Variants in CABLES1 observed in about 807,000 individuals in gnomAD.
CABLES1 encodes CDK5 and ABL1 enzyme substrate 1.
In CABLES1, 36 loss-of-function variants were observed where a neutral mutation model predicts 57.8. That is an observed-to-expected ratio of 0.62 (90% CI 0.48 to 0.82). CABLES1 has a LOEUF of 0.82. CABLES1 is among the 40% of genes least tolerant of loss of function. CABLES1 has a pLI of 0.00. For missense variants in CABLES1, 767 were observed against 836.6 expected (o/e 0.92, Z 1.03); for synonymous variants, 374 against 363.0 (o/e 1.03, Z -0.35).
At chr18:23,241,661 T>C (rs2047739502) in intron 7 of CABLES1, among the ~76,000 whole-genome samples, 1 of 152,244 alleles carries the variant, frequency 6.6e-6, no homozygotes, top group African/African-American at 2.4e-5. Flanking sequence ...GGAAATACTT[T>C]TTAATTTCTC....
chr18:23,166,284 C>T (rs907510309), intron 1 of CABLES1, among the ~76,000 whole-genome samples: 1 of 151,970 alleles, frequency 6.6e-6, no homozygotes, highest in African/African-American at 2.4e-5. Context: ...TTACTGCAAC[C>T]TCCGCCTCTT....
chr18:23,218,660 G>GCTCCCGCATCCTCACTTGCCCTGC (rs1568072694), intron 4 of CABLES1, among the ~76,000 whole-genome samples: 1 of 59,808 alleles, frequency 1.7e-5, no homozygotes, highest in African/African-American at 6.4e-5. Flanking sequence ...ACTTGCCCTG[G>GCTCCCGCATCCTCACTTGCCCTGC]CTCCCGCATC....
chr18:23,208,100 A>C (rs1409651890), intron 3 of CABLES1, among the ~76,000 whole-genome samples: 1 of 152,142 alleles, frequency 6.6e-6, no homozygotes, highest in Non-Finnish European at 1.5e-5. Flanking sequence ...GGCCAGCCCC[A>C]GCACTTTCAG....
Position 23,163,725 on chromosome 18 carries a change from A to G in CABLES1, c.846-25113A>G, listed in dbSNP as rs139716313. On this transcript the variant is annotated intron_variant, in intron 1 of 9. Transcript: ENST00000256925. ...CATGGATTTATAGTGACATGAAACT[A>G]CTTGACTCTGTGGTCATTTAACACC... 7.9e-4 allele frequency among the ~76,000 whole-genome samples: 121 copies of G among 152,274 alleles called. 1 individual carries two copies. In the East Asian group the frequency reaches 0.019, roughly 24 times the overall value.
At chr18:23,194,720 A>G (rs1467146053) in intron 3 of CABLES1, among the ~76,000 whole-genome samples, 180 bp downstream of exon 3, 5 of 152,228 alleles carry the variant, frequency 3.3e-5, no homozygotes, top group Non-Finnish European at 7.3e-5. Flanking sequence ...CACCAAAAGC[A>G]ATCTGTAGAG....
chr18:23,148,139 G>A (rs1050283975), intron 1 of CABLES1, among the ~76,000 whole-genome samples: 1 of 151,924 alleles, frequency 6.6e-6, no homozygotes, highest in African/African-American at 2.4e-5. Flanking sequence ...ACAGGCGCCC[G>A]CCACCATGCC....
intron 7 of CABLES1, among the ~76,000 whole-genome samples, chr18:23,249,792 C>T (rs1042439228): frequency 6.6e-6 from 1 of 152,090 alleles, no homozygotes; most frequent in African/African-American, 2.4e-5. Context: ...GCGATCTTCT[C>T]GGACATCCTG....
chr18:23,178,068 T>C (rs770886814), intron 1 of CABLES1, among the ~76,000 whole-genome samples: 2 of 152,184 alleles, frequency 1.3e-5, no homozygotes, highest in Non-Finnish European at 2.9e-5. Flanking sequence ...TGGTTTTCCC[T>C]TTCCAATATT....
At chr18:23,229,841 T>C (rs1568077475) in intron 4 of CABLES1, among the ~76,000 whole-genome samples, 1 of 152,010 alleles carries the variant, frequency 6.6e-6, no homozygotes, top group Non-Finnish European at 1.5e-5. Context: ...CACTCACACA[T>C]AAAGACTGAG....
chr18:23,246,279 A>G (rs2047878535), intron 7 of CABLES1, among the ~76,000 whole-genome samples: 1 of 151,880 alleles, frequency 6.6e-6, no homozygotes, highest in Non-Finnish European at 1.5e-5. Context: ...AAAAAAAAAG[A>G]AAACAGTGGT....
At chr18:23,182,735 C>T (rs573628575) in intron 1 of CABLES1, among the ~76,000 whole-genome samples, 1 of 152,368 alleles carries the variant, frequency 6.6e-6, no homozygotes, top group East Asian at 1.9e-4. Context: ...GAGCTTTCCC[C>T]TGGGTGCCCA....
intron 3 of CABLES1, among the ~76,000 whole-genome samples, chr18:23,206,955 C>T (rs2047368319): frequency 6.6e-6 from 1 of 151,876 alleles, no homozygotes; most frequent in South Asian, 2.1e-4. Context: ...GGACTACAGG[C>T]GTGTGCTACC....
At chr18:23,181,496 CAAAAAAA>C (rs59742943) in intron 1 of CABLES1, among the ~76,000 whole-genome samples, 743 of 35,372 alleles carry the variant, frequency 0.021, 8 homozygotes, top group African/African-American at 0.069. Flanking sequence ...AGCTTCGTCT[CAAAAAAA>C]AAAAAAAAAA....
chr18:23,227,889 C>A (rs1027761858), intron 4 of CABLES1, among the ~76,000 whole-genome samples: 1 of 152,218 alleles, frequency 6.6e-6, no homozygotes, highest in Non-Finnish European at 1.5e-5. Context: ...ATTGACACAT[C>A]AAAGTGTTCA....
At chr18:23,159,453 ACTC>A (rs2046987948) in intron 1 of CABLES1, among the ~76,000 whole-genome samples, 1 of 151,960 alleles carries the variant, frequency 6.6e-6, no homozygotes, top group African/African-American at 2.4e-5. Context: ...TTGTTAGAAA[ACTC>A]CTGTTTTCTT....
intron 4 of CABLES1, among the ~76,000 whole-genome samples, chr18:23,222,964 T>TC (rs1300530050): frequency 1.3e-5 from 2 of 152,052 alleles, no homozygotes; most frequent in Non-Finnish European, 2.9e-5. Context: ...GCCAGGTGAC[T>TC]CCCCCCGCAT....
chr18:23,198,433 G>A lies in CABLES1; in HGVS notation c.1010+3893G>A, dbSNP rs189805955. Among the ~76,000 whole-genome samples, 15 of 152,240 alleles carry A rather than the reference G, an allele frequency of 9.9e-5. No individual in the cohort carries two copies. The East Asian group carries it at 2.5e-3, about 25-fold the overall frequency. ...TAATCCTTGAAACAGCCTGAGTAGGGCATTACTGTCTAGTGGCAGGCAGAG... is the reference window on the plus strand; with the variant it reads ...TAATCCTTGAAACAGCCTGAGTAGGACATTACTGTCTAGTGGCAGGCAGAG... On this transcript the variant is annotated intron_variant, in intron 3 of 9. Transcript: ENST00000256925.
rs2046829816 is a variant in CABLES1, at chr18:23,137,357, AAT to A, written c.845+752_845+753del. On this transcript the variant is annotated intron_variant, in intron 1 of 9. Coordinates refer to ENST00000256925, the MANE Select transcript of CABLES1 (RefSeq NM_001100619.3). ...CTGGACGTTTGCTTATTGTTCAGGA[AAT>A]AGAGTTTGTCACCATGTATTATTCT... Among the ~76,000 whole-genome samples, 3 of 152,220 alleles carry A rather than the reference AAT, an allele frequency of 2.0e-5. No homozygotes were observed. In the South Asian group the frequency reaches 6.2e-4, roughly 31 times the overall value.
rs182956671 is a variant in CABLES1, at chr18:23,243,976, C to T, written c.1446+6731C>T. Among the ~76,000 whole-genome samples the T allele has an allele frequency of 2.6e-5, 4 of 152,000 alleles. No homozygotes were observed. In the East Asian group the frequency reaches 7.7e-4, roughly 29 times the overall value. ...ATTTGTCTCAGATTTTTGACAGTCG[C>T]TTCGTGATTTTGACATTTCACCCAG... On this transcript the variant is annotated intron_variant, in intron 7 of 9. Coordinates refer to ENST00000256925, the MANE Select transcript of CABLES1 (RefSeq NM_001100619.3).
Sources: gnomAD v4.1 joint callset for allele counts (sites outside exome capture counted in the v4.1 genomes callset) on GRCh38, gnomAD v4.1.1 for gene constraint, MANE v1.5 for transcripts, NCBI Gene and HGNC (gene_info 2026-07-23, HGNC 2026-07-21) for gene names.